Variants in TMEM232 observed in about 807,000 individuals in gnomAD.
The protein encoded by TMEM232 is transmembrane protein 232.
TMEM232 carries 80 observed loss-of-function variants against 78.8 expected under a neutral mutation model. The observed-to-expected ratio is 1.01, with a 90% CI of 0.85 to 1.22. TMEM232 has a LOEUF of 1.22. Ranked by LOEUF, TMEM232 falls within the 50% of genes most tolerant of loss-of-function variation. The pLI is 0.00. For missense variants in TMEM232, 881 were observed against 742.2 expected (o/e 1.19, Z -2.17); for synonymous variants, 297 against 254.3 (o/e 1.17, Z -1.60).
chr5:110,564,424 T>C (rs1189630197), intron 11 of TMEM232, among the ~76,000 whole-genome samples: 1 of 151,904 alleles, frequency 6.6e-6, no homozygotes, highest in Non-Finnish European at 1.5e-5. Flanking sequence ...GAAAAATATA[T>C]ACGTTTACTC....
At chr5:110,475,686 G>A (rs1354763926) in intron 12 of TMEM232, among the ~76,000 whole-genome samples, 1 of 151,772 alleles carries the variant, frequency 6.6e-6, no homozygotes, top group South Asian at 2.1e-4. Context: ...TTGTTTGCAA[G>A]GTAGTAGAGA....
At chr5:110,446,611 A>C (rs1359864760) in intron 12 of TMEM232, among the ~76,000 whole-genome samples, 1 of 152,158 alleles carries the variant, frequency 6.6e-6, no homozygotes, top group Non-Finnish European at 1.5e-5. Flanking sequence ...ATAATGGTGT[A>C]AGACTTTAGG....
At chr5:110,676,509 G>A (rs1580623890) in intron 1 of TMEM232, among the ~76,000 whole-genome samples, 1 of 151,504 alleles carries the variant, frequency 6.6e-6, no homozygotes, top group African/African-American at 2.4e-5. Flanking sequence ...GGGCTTAAGC[G>A]ATCCTCCCGC....
chr5:110,618,646 A>T, intron 7 of TMEM232, 84 bp from the exon 8 acceptor site: 1 of 1,308,368 alleles, frequency 7.6e-7, no homozygotes, highest in East Asian at 2.6e-5. Flanking sequence ...CATGAAAATA[A>T]ATTTTAAATA....
rs190568149 is a variant in TMEM232 at position 110,406,198 on chromosome 5, A to C, written n.309-8344T>G. Among the ~76,000 whole-genome samples, 6 of 151,774 alleles carry C rather than the reference A, an allele frequency of 4.0e-5. No homozygotes were observed. In the East Asian group the frequency reaches 1.2e-3, roughly 29 times the overall value. ...GAGGTAGCTATAAAATGATATGCCA[A>C]TTATGGAAAACATTTGAATTTTTCT... On this transcript the variant is annotated intron_variant and non_coding_transcript_variant, in intron 2 of 8. Coordinates refer to the TMEM232 transcript ENST00000507188.
intron 10 of TMEM232, among the ~76,000 whole-genome samples, chr5:110,594,274 C>A (rs1256936232): frequency 6.6e-6 from 1 of 152,062 alleles, no homozygotes; most frequent in Non-Finnish European, 1.5e-5. Context: ...GCTATCCAGC[C>A]CAGATACTAC....
At chr5:110,701,884 A>G (rs749661651) in intron 1 of TMEM232, among the ~76,000 whole-genome samples, 16 of 152,058 alleles carry the variant, frequency 1.1e-4, no homozygotes, top group Non-Finnish European at 2.2e-4. Context: ...AAGAGAAGTC[A>G]TGAGGTATCC....
At chr5:110,423,074 A>G (rs1386959252) in intron 13 of TMEM232, among the ~76,000 whole-genome samples, 1 of 152,194 alleles carries the variant, frequency 6.6e-6, no homozygotes, top group Non-Finnish European at 1.5e-5. Context: ...TAACCCTTCA[A>G]CAAAAGTCTG....
intron 12 of TMEM232, among the ~76,000 whole-genome samples, chr5:110,518,810 C>G (rs1284101425): frequency 6.6e-6 from 1 of 151,948 alleles, no homozygotes; most frequent in African/African-American, 2.4e-5. Context: ...AAGGAAGAAA[C>G]TTTCCCACAT....
At chr5:110,447,093 C>T (rs1245725312) in intron 12 of TMEM232, among the ~76,000 whole-genome samples, 1 of 150,644 alleles carries the variant, frequency 6.6e-6, no homozygotes. Flanking sequence ...ACTAATTTTG[C>T]CATATATACA....
chr5:110,460,237 G>A (rs1159993208), intron 12 of TMEM232, among the ~76,000 whole-genome samples: 2 of 151,866 alleles, frequency 1.3e-5, no homozygotes, highest in Non-Finnish European at 2.9e-5. Context: ...GGGTGTTAAG[G>A]GGAAAAAGGT....
At chr5:110,642,506 A>G (rs1390425379) in intron 2 of TMEM232, 135 bp from the exon 3 acceptor site, 1 of 596,224 alleles carries the variant, frequency 1.7e-6, no homozygotes, top group African/African-American at 2.0e-5. Flanking sequence ...TTTCACACAA[A>G]AAAAATCAGT....
intron 12 of TMEM232, among the ~76,000 whole-genome samples, chr5:110,480,585 A>G (rs1763752203): frequency 6.6e-6 from 1 of 152,054 alleles, no homozygotes; most frequent in African/African-American, 2.4e-5. Flanking sequence ...CACTTCTTGC[A>G]ATGGAAATGG....
At chr5:110,733,383 C>G (rs1251565762) in intron 2 of TMEM232, among the ~76,000 whole-genome samples, 1 of 152,114 alleles carries the variant, frequency 6.6e-6, no homozygotes, top group African/African-American at 2.4e-5. Flanking sequence ...ACAATAAAGA[C>G]ACATGCACAG....
Position 110,642,274 on chromosome 5 carries a change from T to G in TMEM232, c.223A>C (p.Ile75Leu). The change falls in exon 3 of 14, where the codon ATT becomes CTT. Residue 75 changes from isoleucine (I) to leucine (L), a missense_variant. Ile to Leu is a conservative substitution (Grantham distance 5). Transcript: ENST00000455884. ...EELLELARKI[I>L]LRCKRKLGLK... Reference sequence around the variant, plus strand: ...TATGCCATTACCTTACATCTGAGAATGATTTTTCTAGCTAGTTCCAACAAT... The same window carrying G: ...TATGCCATTACCTTACATCTGAGAAGGATTTTTCTAGCTAGTTCCAACAAT... 4.6e-6 allele frequency: 7 copies of G among 1,536,548 alleles called. No individual in the cohort carries two copies. The highest frequency in any genetic ancestry group is 6.1e-6 in the Non-Finnish European group (7 of 1,140,560).
intron 12 of TMEM232, among the ~76,000 whole-genome samples, chr5:110,480,494 T>C (rs933379627): frequency 5.9e-5 from 9 of 151,968 alleles, no homozygotes; most frequent in African/African-American, 2.2e-4. Context: ...TAGATTTTGT[T>C]TGGTTTGGTT....
intron 12 of TMEM232, among the ~76,000 whole-genome samples, chr5:110,438,153 GT>G (rs1758635444): frequency 6.6e-6 from 1 of 151,596 alleles, no homozygotes; most frequent in Non-Finnish European, 1.5e-5. Context: ...GCAGAGGTCT[GT>G]TTTTTTCCCT....
chr5:110,643,531 T>C (rs992313282), intron 2 of TMEM232, among the ~76,000 whole-genome samples: 11 of 152,106 alleles, frequency 7.2e-5, no homozygotes, highest in African/African-American at 4.8e-5. Flanking sequence ...TACCACAAAA[T>C]TGAAGATGGG....
At chr5:110,418,764 T>C (rs1756380168), downstream of TMEM232, among the ~76,000 whole-genome samples, 1 of 152,144 alleles carries the variant, frequency 6.6e-6, no homozygotes, top group Non-Finnish European at 1.5e-5. Context: ...GAGGAGGCCT[T>C]AAGGACCATG....
Sources: gnomAD v4.1 joint callset for allele counts (sites outside exome capture counted in the v4.1 genomes callset) on GRCh38, gnomAD v4.1.1 for gene constraint, MANE v1.5 for transcripts, NCBI Gene and HGNC (gene_info 2026-07-23, HGNC 2026-07-21) for gene names.